The following NCKAP1 variants were observed in gnomAD, a reference collection of about 807,000 sequenced individuals.
NCKAP1 encodes the protein nck-associated protein 1.
NCKAP1 carries 21 observed loss-of-function variants against 151.2 expected under a neutral mutation model. The observed-to-expected ratio is 0.14, with a 90% CI of 0.10 to 0.20. The LOEUF is 0.20. Ranked by LOEUF, NCKAP1 falls within the 10% of genes least tolerant of loss-of-function variation. NCKAP1 has a pLI of 1.00. For synonymous variants in NCKAP1, 484 were observed against 451.8 expected (o/e 1.07, Z -0.90); for missense variants, 933 against 1,352.1 (o/e 0.69, Z 4.86).
rs1206609366 is a variant in NCKAP1 at position 182,909,640 on chromosome 2, G to T, written c.*16062C>A. ...GATTTACTGCCTTTTCTTGTATGTT[G>T]TTGTTTTATTTGTTTAAGTAAACAA... On this transcript the variant is annotated 3_prime_UTR_variant, in exon 31 of 31. Transcript: ENST00000361354. 2 of 152,038 alleles carry T rather than the reference G, an allele frequency of 1.3e-5. No individual in the cohort carries two copies. The highest frequency in any genetic ancestry group is 2.9e-5 in the Non-Finnish European group (2 of 68,000). The allele number at this position is 152,038 out of a possible 1,614,324, so 9.4% of individuals were successfully genotyped here.
chr2:182,936,335 A>C (rs913936377), intron 24 of NCKAP1, among the ~76,000 whole-genome samples: 2 of 152,322 alleles, frequency 1.3e-5, no homozygotes, highest in African/African-American at 4.8e-5. Flanking sequence ...ATAAAGCCAA[A>C]ACAAACATTT....
chr2:183,004,509 A>G (rs1234061496), intron 2 of NCKAP1, among the ~76,000 whole-genome samples: 1 of 146,052 alleles, frequency 6.8e-6, no homozygotes, highest in Non-Finnish European at 1.5e-5. Flanking sequence ...AAAAAAAAAC[A>G]GCAAGCACAG....
In NCKAP1 at chr2:182,926,641, G is replaced by A. The variant is rs138485379; in HGVS notation, c.3270+175C>T. On this transcript the variant is annotated intron_variant, in intron 30 of 30. Transcript: ENST00000361354. ...TTGATTGTTATCTTCTGATATTACC[G>A]AAATGATAAAATATGAGTGATGTCA... Among the ~76,000 whole-genome samples, 24 of 152,122 alleles carry A rather than the reference G, an allele frequency of 1.6e-4. No individual in the cohort carries two copies. In the East Asian group the frequency reaches 2.5e-3, roughly 16 times the overall value.
chr2:182,981,593 T>C (rs1697939903), intron 12 of NCKAP1, among the ~76,000 whole-genome samples: 1 of 151,698 alleles, frequency 6.6e-6, no homozygotes, highest in Non-Finnish European at 1.5e-5. Context: ...AAGCTAAAAA[T>C]CGACAGCAGA....
chr2:183,010,083 A>G (rs1404303672), intron 2 of NCKAP1, among the ~76,000 whole-genome samples: 1 of 152,190 alleles, frequency 6.6e-6, no homozygotes, highest in Non-Finnish European at 1.5e-5. Context: ...GTTTTCTATT[A>G]AAGAACTGAA....
intron 2 of NCKAP1, among the ~76,000 whole-genome samples, chr2:183,017,203 C>T (rs1698708894): frequency 6.6e-6 from 1 of 152,116 alleles, no homozygotes; most frequent in Admixed American, 6.5e-5. Context: ...ACAATTTTTC[C>T]ATGTACTGGG....
At chr2:182,968,204 A>G (rs1171357287) in intron 15 of NCKAP1, among the ~76,000 whole-genome samples, 3 of 152,200 alleles carry the variant, frequency 2.0e-5, no homozygotes, top group Non-Finnish European at 2.9e-5. Context: ...TACTCTGTAT[A>G]GTGAGGAAAA....
intron 2 of NCKAP1, 119 bp downstream of exon 2, chr2:183,023,687 A>C (rs1698836850): frequency 1.3e-6 from 1 of 762,160 alleles, no homozygotes; most frequent in Admixed American, 2.6e-5. Context: ...TAAGGTATAT[A>C]ATCTGTATAT....
chr2:182,945,905 A>G (rs1365971096), intron 23 of NCKAP1, among the ~76,000 whole-genome samples: 1 of 152,228 alleles, frequency 6.6e-6, no homozygotes, highest in Non-Finnish European at 1.5e-5. Context: ...CATGGAATCA[A>G]CCTAAATGCC....
chr2:182,990,350 A>C (rs2105863285), intron 8 of NCKAP1, among the ~76,000 whole-genome samples: 1 of 152,254 alleles, frequency 6.6e-6, no homozygotes, highest in Admixed American at 6.5e-5. Context: ...TATGCTTCTT[A>C]TAGTTGAAGA....
In NCKAP1 at chr2:182,935,293, A is replaced by T; in HGVS notation, c.2778T>A (p.Asp926Glu). 2.5e-6 allele frequency: 4 copies of T among 1,572,266 alleles called. 1 individual carries two copies. The highest frequency in any genetic ancestry group is 3.5e-6 in the Non-Finnish European group (4 of 1,158,802). Residue 926 changes from aspartate (D) to glutamate (E), a missense_variant and splice_region_variant, in exon 25 of 31, where the codon GAT becomes GAA. Physicochemically the swap from Asp to Glu is conservative, Grantham distance 45. Around this residue, in one of 2 missense-constraint regions of NCKAP1, gnomAD observed 326 missense variants for 557.1 expected, o/e 0.59. Transcript: ENST00000361354. ...GTATATACTTGTAATGGTTTCTTACATCTCTAAGTGCTTCTTGTGCCAATG... is the reference window on the plus strand; with the variant it reads ...GTATATACTTGTAATGGTTTCTTACTTCTCTAAGTGCTTCTTGTGCCAATG... Reference protein sequence around the residue: ...FRSLAQEALRDVLSYHIPFLV... With the variant: ...FRSLAQEALREVLSYHIPFLV...
chr2:183,025,871 T>A (rs769649538), intron 1 of NCKAP1, among the ~76,000 whole-genome samples: 16 of 152,178 alleles, frequency 1.1e-4, no homozygotes, highest in Non-Finnish European at 1.8e-4. Flanking sequence ...TGATTCCAAA[T>A]TATGTTCAGT....
At chr2:182,926,740 A>G (rs1474920332) in intron 30 of NCKAP1, 76 bp downstream of exon 30, 2 of 1,007,344 alleles carry the variant, frequency 2.0e-6, no homozygotes, top group South Asian at 1.5e-5. Flanking sequence ...GTATTCAATG[A>G]CTAAGATGCC....
At chr2:183,019,722 A>G (rs1698760308) in intron 2 of NCKAP1, among the ~76,000 whole-genome samples, 1 of 152,220 alleles carries the variant, frequency 6.6e-6, no homozygotes, top group African/African-American at 2.4e-5. Context: ...CTATAATTAT[A>G]AAACTGGTAT....
chr2:183,002,375 AT>A, intron 4 of NCKAP1, 106 bp from the exon 5 acceptor site: 2 of 779,208 alleles, frequency 2.6e-6, no homozygotes, highest in Non-Finnish European at 3.9e-6. Flanking sequence ...TTCTGTATTT[AT>A]TTTATCCCTG....
At position 182,959,817 on chromosome 2, in the gene NCKAP1, A is replaced by G. The variant is rs536959674; in HGVS notation, c.1882-2221T>C. Among the ~76,000 whole-genome samples, 46 of 152,344 alleles carry G rather than the reference A, an allele frequency of 3.0e-4. No homozygotes were observed. In the South Asian group the frequency reaches 9.1e-3, roughly 30 times the overall value. On this transcript the variant is annotated intron_variant, in intron 18 of 30. Transcript: ENST00000361354. The stretch of plus-strand genomic sequence containing the variant: ...CAAATTGTCACTGTTTGCAGGGGAC[A>G]TGATTGTATATCTAGAAAACCCCAT...
chr2:182,990,114 T>C (rs1014365966), intron 8 of NCKAP1, among the ~76,000 whole-genome samples: 1 of 151,964 alleles, frequency 6.6e-6, no homozygotes, highest in African/African-American at 2.4e-5. Context: ...ACATTTTTAA[T>C]AGCAATTTAT....
chr2:182,935,459 A>C, intron 24 of NCKAP1, 84 bp from the exon 25 acceptor site: 1 of 725,646 alleles, frequency 1.4e-6, no homozygotes, highest in South Asian at 2.4e-5. Flanking sequence ...ATCTAAATTT[A>C]TTAAAGTAAT....
At chr2:182,934,947 T>C in intron 25 of NCKAP1, 115 bp from the exon 26 acceptor site, 1 of 578,916 alleles carries the variant, frequency 1.7e-6, no homozygotes, top group Non-Finnish European at 3.0e-6. Flanking sequence ...TTACTTTATC[T>C]ACTTTCAGTG....
Sources: allele counts gnomAD v4.1 joint callset (sites outside exome capture counted in the v4.1 genomes callset), GRCh38; gene constraint gnomAD v4.1.1; regional missense constraint gnomAD v4.1.1; transcripts MANE v1.5; gene names NCBI Gene and HGNC (gene_info 2026-07-23, HGNC 2026-07-21).